The following POMT1 variants were observed in gnomAD, a reference collection of about 807,000 sequenced individuals.
POMT1 encodes the protein protein O-mannosyl-transferase 1.
POMT1 carries 85 observed loss-of-function variants against 101.6 expected under a neutral mutation model. That is an observed-to-expected ratio of 0.84 (90% CI 0.70 to 1.00). POMT1 has a LOEUF of 1.00. Among genes scored for constraint, POMT1 ranks in the 50% least tolerant of loss-of-function variants. The probability of loss-of-function intolerance (pLI) is 0.00; values close to 1 mark genes in which losing one functional copy is unlikely to be tolerated. For missense variants in POMT1, 857 were observed against 930.4 expected, an observed-to-expected ratio of 0.92 and a Z score of 1.03; for synonymous variants, 371 against 383.0, an observed-to-expected ratio of 0.97 and a Z score of 0.37.
Position 131,513,235 on chromosome 9 carries a change from C to T in POMT1, c.1083-4C>T. On this transcript the variant is annotated splice_polypyrimidine_tract_variant and splice_region_variant and intron_variant, in intron 11 of 19. Transcript: ENST00000402686. ...TGTGGTCCCGACAGCACTGTGTCTTCCAGGCACCAGCTGGTGGTGAGCAGC... is the reference window on the plus strand; with the variant it reads ...TGTGGTCCCGACAGCACTGTGTCTTTCAGGCACCAGCTGGTGGTGAGCAGC... The T allele has an allele frequency of 1.9e-6, 3 of 1,612,824 alleles. No individual in the cohort carries two copies. Among genetic ancestry groups the T allele is most frequent in the Non-Finnish European group, 2.5e-6 (3 of 1,179,808 alleles).
Position 131,519,332 on chromosome 9 carries a change from T to C in POMT1, c.1487-57T>C. On this transcript the variant is annotated intron_variant, in intron 15 of 19. Transcript: ENST00000402686. The surrounding 1 kb of genome is among the most constrained non-coding windows in gnomAD (Gnocchi z 4.3). ...TTTTTGCTGCACTGACAGCTTCTGCTCTGAGCTCTTGACCTTGTGCTACTT... is the reference window on the plus strand; with the variant it reads ...TTTTTGCTGCACTGACAGCTTCTGCCCTGAGCTCTTGACCTTGTGCTACTT... 6.6e-7 allele frequency: 1 copy of C among 1,508,848 alleles called. No individual in the cohort carries two copies. 93.5% of individuals were successfully genotyped at this position (1,508,848 alleles called of 1,614,324 possible).
chr9:131,507,221 C>A, intron 4 of POMT1, 147 bp from the exon 5 acceptor site: 1 of 1,132,472 alleles, frequency 8.8e-7, no homozygotes, highest in Non-Finnish European at 1.3e-6. Context: ...ATAGTTTATG[C>A]ACTCTGCTGC....
At position 131,512,277 on chromosome 9, in the gene POMT1, T is replaced by G. The variant is rs540531282; in HGVS notation, c.1082+141T>G. ...GTCATGGCCTTGAACACCAGCTCAG[T>G]GCTGAGTCCAAGGTCAGAGGAATAG... is the stretch of plus-strand genomic sequence containing the variant. On this transcript the variant is annotated intron_variant, in intron 11 of 19. Coordinates refer to ENST00000402686, the MANE Select transcript of POMT1 (RefSeq NM_001077365.2). 6 of 1,459,584 alleles carry G rather than the reference T, an allele frequency of 4.1e-6. No homozygotes were observed. The South Asian group carries it at 4.9e-5, about 12-fold the overall frequency. 90.4% of individuals were successfully genotyped at this position (1,459,584 alleles called of 1,614,324 possible). A position where few individuals can be genotyped will look rare whatever the true frequency, so the allele number is the denominator to read the frequency against.
At position 131,510,340 on chromosome 9, in the gene POMT1, C is replaced by T. The variant is rs776755041; in HGVS notation, c.780C>T (p.Tyr260=). The change falls in exon 9 of 20, where the codon TAC becomes TAT. Residue 260 remains tyrosine, a synonymous_variant. Transcript: ENST00000402686. ...IPVVLYLLFF[Y]VHLILVFRSG... ...TCGTCCTGTACTTACTGTTCTTCTA[C>T]GTCCACTTGATTCTAGTCTTCCGCT... 21 of 1,614,076 alleles carry T rather than the reference C, an allele frequency of 1.3e-5. No individual in the cohort carries two copies. The highest frequency in any genetic ancestry group is 1.1e-4 in the East Asian group (5 of 44,902).
Position 131,521,590 on chromosome 9 carries a change from A to G in POMT1, c.1825+118A>G, listed in dbSNP as rs1949924873. ...AGCGATCCTCCTGCCTCGGCCTCCCATAGTGCTAGGATTACAGGTGTGCGC... is the reference window on the plus strand; with the variant it reads ...AGCGATCCTCCTGCCTCGGCCTCCCGTAGTGCTAGGATTACAGGTGTGCGC... On this transcript the variant is annotated intron_variant, in intron 18 of 19. Transcript: ENST00000402686. 11 of 1,253,872 alleles carry G rather than the reference A, an allele frequency of 8.8e-6. No individual in the cohort carries two copies. In the East Asian group the frequency reaches 2.5e-4, roughly 28 times the overall value. The allele number at this position is 1,253,872 out of a possible 1,614,324, so 77.7% of individuals were successfully genotyped here.
At chr9:131,507,903 C>T (rs1422910386) in intron 5 of POMT1, among the ~76,000 whole-genome samples, 1 of 152,162 alleles carries the variant, frequency 6.6e-6, no homozygotes, top group Non-Finnish European at 1.5e-5. Flanking sequence ...GGTCTTCCAG[C>T]TCACGTTTAT....
intron 12 of POMT1, 48 bp downstream of exon 12, chr9:131,513,379 T>A (rs751607860): frequency 1.5e-5 from 23 of 1,550,858 alleles, no homozygotes; most frequent in Non-Finnish European, 2.0e-5. Context: ...GTTTCCTCTG[T>A]GGTTCTCTGT....
At chr9:131,521,981 AAAAG>A in intron 18 of POMT1, 62 bp from the exon 19 acceptor site, 3 of 1,607,728 alleles carry the variant, frequency 1.9e-6, no homozygotes, top group East Asian at 4.5e-5. Flanking sequence ...CTAAAAAAGC[AAAAG>A]AGAGAGAAGA....
chr9:131,521,463 C>G lies in POMT1; in HGVS notation c.1816C>G (p.Leu606Val). The change falls in exon 18 of 20, where the codon CTC becomes GTC. Residue 606 changes from leucine (L) to valine (V), a missense_variant. Coordinates refer to ENST00000402686, the MANE Select transcript of POMT1 (RefSeq NM_001077365.2). ...LLRRRRNVHD[L>V]PQDAWLRWVL... Reference sequence around the variant, plus strand: ...CCGACGGCGAAGAAATGTCCATGACCTCCCTCAGGGTTAGTACCTCTCCCA... The same window carrying G: ...CCGACGGCGAAGAAATGTCCATGACGTCCCTCAGGGTTAGTACCTCTCCCA... The G allele has an allele frequency of 6.2e-7, 1 of 1,614,094 alleles. No individual in the cohort carries two copies. Among genetic ancestry groups the G allele is most frequent in the Non-Finnish European group, 8.5e-7 (1 of 1,180,018 alleles).
intron 9 of POMT1, 139 bp downstream of exon 9, chr9:131,510,554 G>A (rs924694094): frequency 1.2e-5 from 14 of 1,173,338 alleles, no homozygotes; most frequent in East Asian, 5.2e-5. Context: ...TTTTTTTGGT[G>A]GGGGGGATGG....
In POMT1 at chr9:131,508,920, T is replaced by G; in HGVS notation, c.437T>G (p.Leu146Arg). The change falls in exon 6 of 20, where the codon CTC (leucine) becomes CGC (arginine). Residue 146 changes from leucine (L) to arginine (R), a missense_variant. By Grantham distance (102) the Leu-to-Arg change is moderately radical. Transcript: ENST00000402686. ...TTCCTCTTTGAAACAGAGAATGCTC[T>G]CATCACTCAGTCAAGGCTAATGCTT... is the stretch of plus-strand genomic sequence containing the variant. ...AALLMLIENA[L>R]ITQSRLMLLE... The G allele has an allele frequency of 6.2e-7, 1 of 1,610,856 alleles. No individual in the cohort carries two copies. The highest frequency in any genetic ancestry group is 8.5e-7 in the Non-Finnish European group (1 of 1,176,978).
In POMT1 at chr9:131,510,045, A is replaced by T. The variant is rs778613780; in HGVS notation, c.699+49A>T. On this transcript the variant is annotated intron_variant, in intron 8 of 19. Coordinates refer to ENST00000402686, the MANE Select transcript of POMT1 (RefSeq NM_001077365.2). ...CATGAGGCCGGCCTGTATGGGGCAG[A>T]TGCAGATGTCACAGGGGGTACTTGG... 4.3e-6 allele frequency: 7 copies of T among 1,614,080 alleles called. No homozygotes were observed. The Admixed American group carries it at 1.0e-4, about 23-fold the overall frequency.
At chr9:131,509,699 T>C (rs1232652207) in intron 6 of POMT1, 44 bp from the exon 7 acceptor site, 6 of 1,614,066 alleles carry the variant, frequency 3.7e-6, no homozygotes, top group Non-Finnish European at 4.2e-6. Context: ...TTTGGAAATG[T>C]GTCTGAACTA....
At chr9:131,521,164 A>G (rs781752757) in intron 17 of POMT1, 182 bp from the exon 18 acceptor site, 20 of 775,632 alleles carry the variant, frequency 2.6e-5, no homozygotes, top group Non-Finnish European at 4.3e-5. Flanking sequence ...TTTTAATGAA[A>G]GGTCTGAGTA....
chr9:131,507,077 A>G (rs1372125693), intron 4 of POMT1, among the ~76,000 whole-genome samples: 3 of 151,998 alleles, frequency 2.0e-5, no homozygotes, highest in East Asian at 1.9e-4. Context: ...AGAGAAAAAA[A>G]AAAAAAGAAA....
chr9:131,511,183 C>A, intron 9 of POMT1, 154 bp from the exon 10 acceptor site: 1 of 813,334 alleles, frequency 1.2e-6, no homozygotes, highest in Non-Finnish European at 1.9e-6. Flanking sequence ...TATAATGTAA[C>A]GTGATGTGAT....
chr9:131,505,950 C>T (rs1447894417), intron 2 of POMT1, among the ~76,000 whole-genome samples, 164 bp from the exon 3 acceptor site: 2 of 152,158 alleles, frequency 1.3e-5, no homozygotes, highest in Non-Finnish European at 2.9e-5. Flanking sequence ...ATGCTGTATG[C>T]ATCTTAATAT....
intron 17 of POMT1, among the ~76,000 whole-genome samples, chr9:131,520,746 C>T (rs577389525): frequency 3.8e-4 from 58 of 152,366 alleles, no homozygotes; most frequent in African/African-American, 1.2e-3. Flanking sequence ...CATTCTCCTC[C>T]GTGGACAGCG....
intron 18 of POMT1, 89 bp downstream of exon 18, chr9:131,521,561 C>A: frequency 6.9e-7 from 1 of 1,455,826 alleles, no homozygotes; most frequent in Non-Finnish European, 9.5e-7. Flanking sequence ...AACTCCTGGG[C>A]TTAAGCGATC....
Sources: gnomAD v4.1 joint callset for allele counts (sites outside exome capture counted in the v4.1 genomes callset) on GRCh38, gnomAD v4.1.1 for gene constraint, Gnocchi (gnomAD v3.1) non-coding constraint, MANE v1.5 for transcripts, NCBI Gene and HGNC (gene_info 2026-07-23, HGNC 2026-07-21) for gene names.